The following NALF1 variants were observed in gnomAD, a reference collection of about 807,000 sequenced individuals.
NALF1 encodes family with sequence similarity 155 member A.
NALF1 carries 3 observed loss-of-function variants against 48.4 expected under a neutral mutation model. That is an observed-to-expected ratio of 0.06 (90% CI 0.03 to 0.16). The LOEUF (loss-of-function observed/expected upper bound fraction) is 0.16. Ranked by LOEUF, NALF1 falls within the 10% of genes least tolerant of loss-of-function variation. NALF1 has a pLI of 1.00. For missense variants in NALF1, 526 were observed against 571.5 expected, an observed-to-expected ratio of 0.92 and a Z score of 0.81; for synonymous variants, 262 against 245.7, an observed-to-expected ratio of 1.07 and a Z score of -0.62.
At chr13:107,667,025 T>C (rs1179499919) in intron 1 of NALF1, among the ~76,000 whole-genome samples, 1 of 152,104 alleles carries the variant, frequency 6.6e-6, no homozygotes, top group African/African-American at 2.4e-5. Context: ...CACGAACTTT[T>C]TGAAGACCCC....
intron 1 of NALF1, among the ~76,000 whole-genome samples, chr13:107,584,077 A>T (rs893466933): frequency 4.6e-5 from 7 of 152,160 alleles, no homozygotes; most frequent in African/African-American, 1.4e-4. Context: ...TAGAATCTAT[A>T]CTTTAAATTT....
At chr13:107,356,009 T>C (rs1439481368) in intron 1 of NALF1, among the ~76,000 whole-genome samples, 1 of 152,216 alleles carries the variant, frequency 6.6e-6, no homozygotes, top group African/African-American at 2.4e-5. Context: ...CTAACTTCTG[T>C]CTGAAAGCTG....
intron 1 of NALF1, among the ~76,000 whole-genome samples, chr13:107,332,937 A>G (rs772528373): frequency 6.5e-4 from 99 of 152,020 alleles, no homozygotes; most frequent in Admixed American, 7.2e-4. Flanking sequence ...CCTCCACCCA[A>G]TGGGTGCAAG....
intron 1 of NALF1, among the ~76,000 whole-genome samples, chr13:107,769,435 C>T (rs1458632447): frequency 6.9e-6 from 1 of 143,986 alleles, no homozygotes; most frequent in Non-Finnish European, 1.5e-5. Context: ...TAAACTATCA[C>T]AAGAACAAAA....
intron 1 of NALF1, among the ~76,000 whole-genome samples, chr13:107,779,735 T>A (rs1443097241): frequency 6.6e-6 from 1 of 152,228 alleles, no homozygotes; most frequent in East Asian, 1.9e-4. Context: ...TACTTTGAAG[T>A]TTCCCATTGA....
At chr13:107,426,513 A>G (rs1174200030) in intron 1 of NALF1, among the ~76,000 whole-genome samples, 1 of 152,160 alleles carries the variant, frequency 6.6e-6, no homozygotes, top group Non-Finnish European at 1.5e-5. Context: ...CCCCTCCACA[A>G]TCTTTGAAAT....
chr13:107,647,947 C>T (rs1198947722), intron 1 of NALF1, among the ~76,000 whole-genome samples: 1 of 151,836 alleles, frequency 6.6e-6, no homozygotes, highest in Non-Finnish European at 1.5e-5. Flanking sequence ...CTAATTTTTA[C>T]CTGAAGATTA....
chr13:107,196,696 A>C (rs1407170042), intron 2 of NALF1, among the ~76,000 whole-genome samples: 10 of 152,274 alleles, frequency 6.6e-5, no homozygotes, highest in African/African-American at 2.4e-4. Flanking sequence ...GGTGGGGGAG[A>C]TGGGGAGATG....
intron 1 of NALF1, among the ~76,000 whole-genome samples, chr13:107,350,800 C>A (rs1882859375): frequency 6.6e-6 from 1 of 152,156 alleles, no homozygotes; most frequent in African/African-American, 2.4e-5. Flanking sequence ...AGACTGCTGG[C>A]CCCAGCTCCA....
intron 1 of NALF1, among the ~76,000 whole-genome samples, chr13:107,635,251 A>G: frequency 6.6e-6 from 1 of 152,096 alleles, no homozygotes; most frequent in East Asian, 1.9e-4. Context: ...AAGGGGTTTA[A>G]TTTACTCACA....
chr13:107,365,942 A>C (rs974112881), intron 1 of NALF1, among the ~76,000 whole-genome samples: 4 of 152,228 alleles, frequency 2.6e-5, no homozygotes, highest in Non-Finnish European at 5.9e-5. Context: ...TCGGAAGTTC[A>C]ATTAGCAAGC....
At chr13:107,580,806 A>G (rs1878284741) in intron 1 of NALF1, among the ~76,000 whole-genome samples, 1 of 152,196 alleles carries the variant, frequency 6.6e-6, no homozygotes, top group African/African-American at 2.4e-5. Flanking sequence ...ACATTTTAAC[A>G]ACAGTGGAAA....
At chr13:107,584,440 C>A (rs1004725718) in intron 1 of NALF1, among the ~76,000 whole-genome samples, 1 of 152,086 alleles carries the variant, frequency 6.6e-6, no homozygotes, top group Non-Finnish European at 1.5e-5. Flanking sequence ...CCTTATTTTT[C>A]TGTATTCATT....
intron 1 of NALF1, among the ~76,000 whole-genome samples, chr13:107,313,461 C>T (rs1023579699): frequency 3.0e-4 from 45 of 151,782 alleles, no homozygotes; most frequent in African/African-American, 1.0e-3. Flanking sequence ...GAAAAATAAC[C>T]ACATACCTCC....
intron 1 of NALF1, among the ~76,000 whole-genome samples, chr13:107,494,595 A>G (rs898864862): frequency 2.0e-5 from 3 of 152,192 alleles, no homozygotes; most frequent in Non-Finnish European, 2.9e-5. Flanking sequence ...CTGAGCAATG[A>G]GATTCAAGTG....
At chr13:107,456,198 G>T (rs868518364) in intron 1 of NALF1, among the ~76,000 whole-genome samples, 5 of 152,026 alleles carry the variant, frequency 3.3e-5, no homozygotes, top group Admixed American at 6.6e-5. Context: ...ACAAGTTCAG[G>T]CTTTCTCTCA....
At chr13:107,205,808 T>C (rs901552255) in intron 2 of NALF1, among the ~76,000 whole-genome samples, 3 of 152,068 alleles carry the variant, frequency 2.0e-5, no homozygotes, top group Non-Finnish European at 2.9e-5. Context: ...TTAATGTTTG[T>C]TACCATAGCA....
chr13:107,501,741 T>C (rs945899982), intron 1 of NALF1, among the ~76,000 whole-genome samples: 2 of 152,212 alleles, frequency 1.3e-5, no homozygotes, highest in African/African-American at 4.8e-5. Context: ...TTTTGCATTC[T>C]TCTACTCTGC....
intron 1 of NALF1, among the ~76,000 whole-genome samples, chr13:107,669,350 G>A (rs1294028020): frequency 1.3e-5 from 2 of 152,068 alleles, no homozygotes; most frequent in East Asian, 1.9e-4. Context: ...TGCAGCACAC[G>A]CTTGAAAACT....
Sources: allele counts gnomAD v4.1 joint callset (sites outside exome capture counted in the v4.1 genomes callset), GRCh38; gene constraint gnomAD v4.1.1; transcripts MANE v1.5; gene names NCBI Gene and HGNC (gene_info 2026-07-23, HGNC 2026-07-21).